ACOT9: variants seen among roughly 807,000 people sequenced by gnomAD.
The protein encoded by ACOT9 is acyl-CoA thioesterase 9.
A neutral mutation model predicts 39.7 loss-of-function variants in ACOT9; 34 were observed. That is an observed-to-expected ratio of 0.86 (90% CI 0.65 to 1.14). The LOEUF (loss-of-function observed/expected upper bound fraction) is 1.14. ACOT9 is among the 50% of genes most tolerant of loss of function. The pLI is 0.00. For synonymous variants in ACOT9, 110 were observed against 120.5 expected (o/e 0.91, Z 0.57); for missense variants, 313 against 344.1 (o/e 0.91, Z 0.71).
In ACOT9 at chrX:23,703,945, G is replaced by A. The variant is rs1171904208; in HGVS notation, c.1296C>T (p.Asn432=). ...TCAAGGTCGCTGGGCCACTCATGGA[G>A]TTGAAATGCCGCTGCCCATCTAAGT... ...MLYLDGQRHF[N]SMSGPATLRK... is the part of the protein sequence containing the mutation. Residue 432 remains asparagine (N), a synonymous_variant, in exon 16 of 16, where the codon AAC becomes AAT. Transcript: ENST00000379303. The A allele has an allele frequency of 2.5e-6, 3 of 1,209,329 alleles. No individual in the cohort carries two copies. Among genetic ancestry groups the A allele is most frequent in the Non-Finnish European group, 3.4e-6 (3 of 894,922 alleles).
At chrX:23,719,776 T>C (rs1210160761) in intron 8 of ACOT9, among the ~76,000 whole-genome samples, 1 of 111,991 alleles carries the variant, frequency 8.9e-6, no homozygotes, top group African/African-American at 3.2e-5. Flanking sequence ...TCCTGCTATG[T>C]AGCCCATGGC....
Position 23,704,764 on chromosome X carries a change from G to A in ACOT9, c.1188C>T (p.Thr396=), listed in dbSNP as rs746374869. 1.6e-5 allele frequency: 19 copies of A among 1,208,927 alleles called. No individual in the cohort carries two copies. The Admixed American group carries it at 3.9e-4, about 25-fold the overall frequency. Residue 396 remains threonine, a synonymous_variant, in exon 15 of 16, where the codon ACC becomes ACT. Transcript: ENST00000379303. The part of the protein sequence containing the change: ...VASLQEKQHT[T]TNVFHFTFMS... ...TGAACGTGAAATGAAAGACATTGGT[G>A]GTTGTATGCTGCTTCTCCTGCAGGG...
intron 3 of ACOT9, among the ~76,000 whole-genome samples, chrX:23,733,825 G>A (rs1466550877): frequency 7.2e-5 from 8 of 111,443 alleles, no homozygotes; most frequent in African/African-American, 1.6e-4. Flanking sequence ...GCAATAGCAC[G>A]ATCTCAGCTC....
intron 4 of ACOT9, among the ~76,000 whole-genome samples, chrX:23,731,694 G>T (rs1929761445): frequency 9.1e-6 from 1 of 109,720 alleles, no homozygotes; most frequent in African/African-American, 3.3e-5. Context: ...TCACCTGACA[G>T]TTCTCGGATT....
intron 8 of ACOT9, among the ~76,000 whole-genome samples, chrX:23,714,912 G>A (rs1929024981): frequency 9.0e-6 from 1 of 111,193 alleles, no homozygotes; most frequent in South Asian, 3.8e-4. Context: ...ACCATGCCTG[G>A]GCCTTAAGAT....
At chrX:23,735,510 C>T (rs1485599458) in intron 2 of ACOT9, among the ~76,000 whole-genome samples, 1 of 111,192 alleles carries the variant, frequency 9.0e-6, no homozygotes, top group Non-Finnish European at 1.9e-5. Context: ...AAAGACAATC[C>T]ATAGTTTACG....
At chrX:23,722,045 T>C (rs1929336851) in intron 7 of ACOT9, 61 bp from the exon 8 acceptor site, 2 of 789,641 alleles carry the variant, frequency 2.5e-6, no homozygotes, top group East Asian at 3.5e-5. Flanking sequence ...TCTGTAAATA[T>C]GAACAATTAG....
intron 8 of ACOT9, among the ~76,000 whole-genome samples, chrX:23,721,468 C>T (rs201550763): frequency 3.8e-5 from 4 of 106,341 alleles, no homozygotes; most frequent in Non-Finnish European, 7.7e-5. Flanking sequence ...CTGTTTTTTT[C>T]CAAACATTTT....
Position 23,713,218 on chromosome X carries a change from A to C in ACOT9, c.589-10T>G, listed in dbSNP as rs201481463. On this transcript the variant is annotated splice_polypyrimidine_tract_variant and intron_variant, in intron 8 of 15. Coordinates refer to ENST00000379303, the MANE Select transcript of ACOT9 (RefSeq NM_001037171.2). ...ATTCATCACCATGTAACTGAAGAAC[A>C]AAGGAAAGAAAATGTACATATGAGA... 3.4e-5 allele frequency: 40 copies of C among 1,173,381 alleles called. No individual in the cohort carries two copies. In the East Asian group the frequency reaches 1.1e-3, roughly 33 times the overall value.
chrX:23,722,604 G>T, intron 7 of ACOT9, 66 bp downstream of exon 7: 1 of 795,406 alleles, frequency 1.3e-6, no homozygotes, highest in Non-Finnish European at 1.8e-6. Flanking sequence ...AGTACGTCCT[G>T]TAATCTCAAT....
At position 23,705,794 on chromosome X, in the gene ACOT9, T is replaced by A. The variant is rs770469845; in HGVS notation, c.907A>T (p.Lys303Ter). The stretch of plus-strand genomic sequence containing the variant: ...TGAGGGTGGCAAATTTCCAAACTCT[T>A]CAGTTTTGAATTCTCCATCCACACT... ...NAVWMENSKL[K>*]SLEICHPQER... Residue 303 changes from lysine (K) to a stop codon, truncating the protein, a stop_gained, in exon 12 of 16, where the codon AAG (lysine) becomes TAG (stop). Transcript: ENST00000379303. LOFTEE classifies it high-confidence loss of function. 22 of 1,209,627 alleles carry A rather than the reference T, an allele frequency of 1.8e-5. No individual in the cohort carries two copies. The highest frequency in any genetic ancestry group is 1.2e-5 in the Non-Finnish European group (11 of 894,518).
At chrX:23,711,887 A>G (rs781252058) in intron 9 of ACOT9, among the ~76,000 whole-genome samples, 1 of 111,557 alleles carries the variant, frequency 9.0e-6, no homozygotes, top group East Asian at 2.8e-4. Context: ...TGCTCAACCT[A>G]AATCTAATAC....
chrX:23,733,174 C>T lies in ACOT9; in HGVS notation c.189G>A (p.Trp63Ter). 1.7e-6 allele frequency: 2 copies of T among 1,208,403 alleles called. No individual in the cohort carries two copies. The highest frequency in any genetic ancestry group is 3.5e-5 in the South Asian group (2 of 56,840). Reference protein sequence around the residue: ...LREIVGASTNWRDHVKAMEER... With the variant: ...LREIVGASTN ...TGAATGAAAACAAAGATGCATACCT[C>T]CAGTTTGTGGATGCTCCTACTATCT... Residue 63 changes from tryptophan (W) to a stop codon, truncating the protein, a stop_gained and splice_region_variant, in exon 4 of 16, where the codon TGG (tryptophan) becomes TGA (stop). Coordinates refer to ENST00000379303, the MANE Select transcript of ACOT9 (RefSeq NM_001037171.2). LOFTEE classifies it high-confidence loss of function.
At chrX:23,708,045 AT>A in intron 9 of ACOT9, 101 bp from the exon 10 acceptor site, 1 of 765,428 alleles carries the variant, frequency 1.3e-6, no homozygotes, top group Admixed American at 3.3e-5. Context: ...TCTGCTTTTC[AT>A]TTTGGGTAGT....
At chrX:23,733,039 A>T in intron 4 of ACOT9, 133 bp downstream of exon 4, 1 of 532,743 alleles carries the variant, frequency 1.9e-6, no homozygotes, top group Middle Eastern at 3.6e-4. Flanking sequence ...TTCTCCCCCA[A>T]GCAAAATACT....
chrX:23,723,479 T>G (rs1335295040), intron 6 of ACOT9, among the ~76,000 whole-genome samples: 1 of 107,137 alleles, frequency 9.3e-6, no homozygotes, highest in Non-Finnish European at 1.9e-5. Context: ...CCGGGCGTGG[T>G]GGCGTCCCAG....
intron 1 of ACOT9, among the ~76,000 whole-genome samples, chrX:23,742,205 T>TGAGAGAGAGAGAGAGA (rs1490829230): frequency 1.5e-5 from 1 of 65,559 alleles, no homozygotes; most frequent in Non-Finnish European, 2.7e-5. Flanking sequence ...CCAGGAACAG[T>TGAGAGAGAGAGAGAGA]GAGTGAGTGA....
chrX:23,743,066 G>T lies in ACOT9; in HGVS notation c.20+59C>A, dbSNP rs186241584. ...CCGGGGCCAGCCCGAAGCTCTAGGG[G>T]AAGACGATGGCACCCCAGGCTACCG... is the stretch of plus-strand genomic sequence containing the variant. On this transcript the variant is annotated intron_variant, in intron 1 of 15. Transcript: ENST00000379303. 8.0e-4 allele frequency: 895 copies of T among 1,111,913 alleles called. 5 individuals are homozygous for T. The African/African-American group carries it at 0.015, about 19-fold the overall frequency. 91.6% of individuals were successfully genotyped at this position (1,111,913 alleles called of 1,213,427 possible). A position where few individuals can be genotyped will look rare whatever the true frequency, so the allele number is the denominator to read the frequency against.
At chrX:23,725,670 T>C (rs1929495146) in intron 6 of ACOT9, among the ~76,000 whole-genome samples, 1 of 106,490 alleles carries the variant, frequency 9.4e-6, no homozygotes, top group South Asian at 4.2e-4. Flanking sequence ...TCAAAAAAAT[T>C]AGCTGGGCAT....
Sources: allele counts gnomAD v4.1 joint callset (sites outside exome capture counted in the v4.1 genomes callset), GRCh38; gene constraint gnomAD v4.1.1; transcripts MANE v1.5; gene names NCBI Gene and HGNC (gene_info 2026-07-23, HGNC 2026-07-21).